The following AKAP1 variants were observed in gnomAD, a reference collection of about 807,000 sequenced individuals.
The protein encoded by AKAP1 is A-kinase anchor protein 1, mitochondrial.
In AKAP1, 32 loss-of-function variants were observed where a neutral mutation model predicts 79.8. The ratio of observed to expected loss-of-function variants is 0.40; its 90% confidence interval spans 0.30 to 0.54. AKAP1 has a LOEUF of 0.54. Ranked by LOEUF, AKAP1 falls within the 20% of genes least tolerant of loss-of-function variation. The probability of loss-of-function intolerance (pLI) is 0.47; values close to 1 mark genes in which losing one functional copy is unlikely to be tolerated. For synonymous variants in AKAP1, 416 were observed against 466.7 expected (o/e 0.89, Z 1.40); for missense variants, 961 against 1,138.9 (o/e 0.84, Z 2.25).
At chr17:57,111,752 A>T in intron 3 of AKAP1, 46 bp from the exon 4 acceptor site, 1 of 1,607,086 alleles carries the variant, frequency 6.2e-7, no homozygotes, top group South Asian at 1.1e-5. Context: ...TGTCCAGGGA[A>T]TTGGTTTCCC....
At chr17:57,117,599 G>T (rs906036795) in intron 8 of AKAP1, among the ~76,000 whole-genome samples, 1 of 152,166 alleles carries the variant, frequency 6.6e-6, no homozygotes, top group Admixed American at 6.5e-5. Flanking sequence ...ATTTGCATGC[G>T]TTAGAAATAC....
chr17:57,118,550 C>A, intron 9 of AKAP1, 96 bp downstream of exon 9: 1 of 1,264,070 alleles, frequency 7.9e-7, no homozygotes, highest in Non-Finnish European at 1.1e-6. Context: ...CCTGGATTGA[C>A]CAGCAGTATT....
intron 1 of AKAP1, chr17:57,101,640 T>C (rs1475250413): frequency 6.6e-6 from 1 of 152,222 alleles, no homozygotes; most frequent in African/African-American, 2.4e-5. Context: ...TACCAGATGA[T>C]GCTAATGTGA....
At chr17:57,095,188 G>C (rs1914021266) in intron 1 of AKAP1, 1 of 152,064 alleles carries the variant, frequency 6.6e-6, no homozygotes, top group Middle Eastern at 3.2e-3. Flanking sequence ...TTGAGACAAG[G>C]TGTCACTCTG....
chr17:57,098,794 C>T (rs1417087410), intron 1 of AKAP1, among the ~76,000 whole-genome samples: 1 of 144,324 alleles, frequency 6.9e-6, no homozygotes, highest in Non-Finnish European at 1.5e-5. Context: ...CGGAGTCTCA[C>T]TCTGTTGCCC....
chr17:57,119,452 C>A (rs1374877044), intron 10 of AKAP1, among the ~76,000 whole-genome samples: 1 of 152,012 alleles, frequency 6.6e-6, no homozygotes, highest in African/African-American at 2.4e-5. Flanking sequence ...AGTGGCTCAC[C>A]CCTGTAATCC....
In AKAP1 at chr17:57,106,825, T is replaced by G. The variant is rs142496479; in HGVS notation, c.1361T>G (p.Ile454Ser). The G allele has an allele frequency of 3.1e-6, 5 of 1,614,052 alleles. No homozygotes were observed. Among genetic ancestry groups the G allele is most frequent in the Non-Finnish European group, 3.4e-6 (4 of 1,180,018 alleles). ...SSPTKDSKPN[I>S]SAHHISLASC... Reference sequence around the variant, plus strand: ...CCCACCAAGGACAGTAAGCCAAATATCTCTGCACACCACATCTCCCTGGCC... The same window carrying G: ...CCCACCAAGGACAGTAAGCCAAATAGCTCTGCACACCACATCTCCCTGGCC... Residue 454 changes from isoleucine to serine, a missense_variant, in exon 2 of 11, where the codon ATC becomes AGC. Coordinates refer to ENST00000337714, the MANE Select transcript of AKAP1 (RefSeq NM_003488.4).
At position 57,115,996 on chromosome 17, in the gene AKAP1, C is replaced by T. The variant is rs1193222009; in HGVS notation, c.2282-115C>T. 6 of 1,253,774 alleles carry T rather than the reference C, an allele frequency of 4.8e-6. No homozygotes were observed. In the East Asian group the frequency reaches 1.2e-4, roughly 26 times the overall value. The allele number at this position is 1,253,774 out of a possible 1,614,324, so 77.7% of individuals were successfully genotyped here. A position where few individuals can be genotyped will look rare whatever the true frequency, so the allele number is the denominator to read the frequency against. On this transcript the variant is annotated intron_variant, in intron 6 of 10. Coordinates refer to ENST00000337714, the MANE Select transcript of AKAP1 (RefSeq NM_003488.4). ...CCGGTTGCTGTTCCTGTCCCCTGCA[C>T]TGTGGAGGTTGCAGGCCTCTGAGAG...
chr17:57,093,025 A>G (rs915866748), intron 1 of AKAP1: 7 of 152,280 alleles, frequency 4.6e-5, no homozygotes, highest in Admixed American at 6.5e-5. Context: ...ACCTCTTCCA[A>G]GAGGCATTCC....
chr17:57,118,877 G>T (rs891676997), intron 9 of AKAP1, 105 bp from the exon 10 acceptor site: 111 of 1,274,580 alleles, frequency 8.7e-5, no homozygotes, highest in Non-Finnish European at 1.1e-4. Context: ...CTCCCACCAG[G>T]TCTCTCCCTC....
intron 1 of AKAP1, among the ~76,000 whole-genome samples, chr17:57,099,535 C>T (rs945766707): frequency 1.3e-5 from 2 of 152,092 alleles, no homozygotes; most frequent in Admixed American, 1.3e-4. Flanking sequence ...TAGCAGTATT[C>T]AGTGCCTTCT....
intron 1 of AKAP1, chr17:57,092,128 A>T (rs1913822337): frequency 6.6e-6 from 1 of 152,190 alleles, no homozygotes; most frequent in Non-Finnish European, 1.5e-5. Context: ...ACATGAAAGG[A>T]GGCATGGCCA....
At chr17:57,098,825 G>A (rs1411967907) in intron 1 of AKAP1, among the ~76,000 whole-genome samples, 25 of 148,840 alleles carry the variant, frequency 1.7e-4, no homozygotes, top group Admixed American at 4.7e-4. Flanking sequence ...GCAGTGGTGC[G>A]ATCTCAGCTC....
At chr17:57,116,828 A>T in intron 7 of AKAP1, 32 bp from the exon 8 acceptor site, 1 of 1,603,756 alleles carries the variant, frequency 6.2e-7, no homozygotes, top group Non-Finnish European at 8.5e-7. Context: ...CTTCATGTCC[A>T]CATTAAACTT....
chr17:57,094,380 G>A (rs980872714), intron 1 of AKAP1: 2 of 152,176 alleles, frequency 1.3e-5, no homozygotes, highest in African/African-American at 2.4e-5. Flanking sequence ...GAAGGTGTGC[G>A]TGGTTTGTGG....
chr17:57,113,199 C>A (rs1597987379), intron 5 of AKAP1, among the ~76,000 whole-genome samples: 1 of 152,300 alleles, frequency 6.6e-6, no homozygotes, highest in East Asian at 1.9e-4. Context: ...TCTCCAGGGC[C>A]CCTGTGTGCT....
At chr17:57,107,666 C>G (rs1275686364) in intron 2 of AKAP1, among the ~76,000 whole-genome samples, 1 of 151,854 alleles carries the variant, frequency 6.6e-6, no homozygotes, top group Non-Finnish European at 1.5e-5. Flanking sequence ...AAACACTAAC[C>G]TCTTTGTGTG....
intron 1 of AKAP1, chr17:57,101,522 G>T (rs949118940): frequency 6.7e-6 from 1 of 150,346 alleles, no homozygotes; most frequent in Non-Finnish European, 1.5e-5. Context: ...AAACTTGACT[G>T]CACATTGTAA....
chr17:57,116,722 G>A (rs992906917), intron 7 of AKAP1, 138 bp from the exon 8 acceptor site: 5 of 803,976 alleles, frequency 6.2e-6, no homozygotes, highest in Admixed American at 5.7e-5. Flanking sequence ...GCTGTGAGCC[G>A]TGGCCTCCTG....
Sources: gnomAD v4.1 joint callset for allele counts (sites outside exome capture counted in the v4.1 genomes callset) on GRCh38, gnomAD v4.1.1 for gene constraint, MANE v1.5 for transcripts, NCBI Gene and HGNC (gene_info 2026-07-23, HGNC 2026-07-21) for gene names.